Variants in ADAT3 observed in about 807,000 individuals in gnomAD.
The protein encoded by ADAT3 is adenosine deaminase tRNA specific 3.
A neutral mutation model predicts 3.5 loss-of-function variants in ADAT3; 2 were observed. The observed-to-expected ratio is 0.57, with a 90% CI of 0.23 to 1.79. ADAT3 has a LOEUF of 1.79. ADAT3 is among the 40% of genes most tolerant of loss of function. ADAT3 has a pLI of 0.18. For missense variants in ADAT3, 735 were observed against 571.4 expected (o/e 1.29, Z -2.92); for synonymous variants, 358 against 270.3 (o/e 1.32, Z -3.18).
intron 1 of ADAT3, 52 bp downstream of exon 1, chr19:1,905,491 A>AG (rs1323737712): frequency 2.5e-6 from 1 of 395,554 alleles, no homozygotes; most frequent in East Asian, 1.1e-4. Flanking sequence ...ACTTCCCCAG[A>AG]GGGGGAGTAG....
chr19:1,912,139 A>G lies in ADAT3; in HGVS notation c.92A>G (p.Glu31Gly). 1 of 1,559,010 alleles carries G rather than the reference A, an allele frequency of 6.4e-7. No homozygotes were observed. Among genetic ancestry groups the G allele is most frequent in the Non-Finnish European group, 8.6e-7 (1 of 1,157,768 alleles). ...PGLVEQPKCL[E>G]AGSPEPEPAP... ...CTCGTGGAGCAGCCCAAGTGCTTGG[A>G]GGCCGGGAGCCCGGAGCCTGAGCCG... The change falls in exon 2 of 2, where the codon GAG becomes GGG. Residue 31 changes from glutamate (E) to glycine (G), a missense_variant. Coordinates refer to ENST00000329478, the MANE Select transcript of ADAT3 (RefSeq NM_138422.4).
At chr19:1,905,623 C>G (rs1202197092) in intron 1 of ADAT3, 184 bp downstream of exon 1, 1 of 162,938 alleles carries the variant, frequency 6.1e-6, no homozygotes, top group Non-Finnish European at 1.4e-5. Context: ...GGAGGCGGCG[C>G]GAATGCGCGT....
At position 1,912,689 on chromosome 19, in the gene ADAT3, G is replaced by A. The variant is rs1178245015; in HGVS notation, c.642G>A (p.Val214=). The change falls in exon 2 of 2, where the codon GTG becomes GTA. Residue 214 remains valine, a synonymous_variant. Transcript: ENST00000329478. ...AARGLRAVGA[V]VVDPASDRVL... is the part of the protein sequence containing the mutation. ...GGGGCTTGCGGGCCGTGGGGGCCGT[G>A]GTAGTGGACCCGGCCTCGGACCGCG... 6.1e-6 allele frequency: 9 copies of A among 1,468,838 alleles called. No individual in the cohort carries two copies. Among genetic ancestry groups the A allele is most frequent in the Non-Finnish European group, 7.1e-6 (8 of 1,120,124 alleles). The allele number at this position is 1,468,838 out of a possible 1,614,324, so 91.0% of individuals were successfully genotyped here. A position where few individuals can be genotyped will look rare whatever the true frequency, so the allele number is the denominator to read the frequency against.
chr19:1,911,219 TG>T (rs1340109685), intron 1 of ADAT3, among the ~76,000 whole-genome samples: 1 of 151,828 alleles, frequency 6.6e-6, no homozygotes, highest in Non-Finnish European at 1.5e-5. Flanking sequence ...TCAGCCAGGC[TG>T]GGGTACAGTG....
At chr19:1,907,161 T>G (rs1002729302) in intron 1 of ADAT3, 1 of 150,450 alleles carries the variant, frequency 6.6e-6, no homozygotes, top group Non-Finnish European at 1.5e-5. Flanking sequence ...CCCTCCAGCC[T>G]GGGGGACAGA....
chr19:1,912,539 G>C lies in ADAT3; in HGVS notation c.492G>C (p.Thr164=). The C allele has an allele frequency of 6.7e-7, 1 of 1,500,602 alleles. No individual in the cohort carries two copies. 93.0% of individuals were successfully genotyped at this position (1,500,602 alleles called of 1,614,324 possible). A position where few individuals can be genotyped will look rare whatever the true frequency, so the allele number is the denominator to read the frequency against. ...AGGAGGCCCGGGCCCACTGGCCCAC[G>C]TCCTTCCACGAGGACAAGCAGGTGA... ...QFEEARAHWP[T]SFHEDKQVTS... The change falls in exon 2 of 2, where the codon ACG becomes ACC. Residue 164 remains threonine (T), a synonymous_variant. Coordinates refer to ENST00000329478, the MANE Select transcript of ADAT3 (RefSeq NM_138422.4).
Position 1,908,534 on chromosome 19 carries a change from G to C in ADAT3, c.-159+3095G>C, listed in dbSNP as rs1222153808. The C allele has an allele frequency of 4.2e-6, 2 of 471,184 alleles. No homozygotes were observed. Among genetic ancestry groups the C allele is most frequent in the Non-Finnish European group, 8.8e-6 (2 of 227,054 alleles). 29.2% of individuals were successfully genotyped at this position (471,184 alleles called of 1,614,324 possible). A position where few individuals can be genotyped will look rare whatever the true frequency, so the allele number is the denominator to read the frequency against. Reference sequence around the variant, plus strand: ...CGGGGATGTGTAGTCCAGGCTGGCAGTTCAGGATCACCCGGCTGGAGTCAT... The same window carrying C: ...CGGGGATGTGTAGTCCAGGCTGGCACTTCAGGATCACCCGGCTGGAGTCAT... On this transcript the variant is annotated intron_variant, in intron 1 of 1. Coordinates refer to ENST00000329478, the MANE Select transcript of ADAT3 (RefSeq NM_138422.4). The surrounding 1 kb of genome is among the most constrained non-coding windows in gnomAD (Gnocchi z 4.2).
At position 1,913,292 on chromosome 19, in the gene ADAT3, C is replaced by A; in HGVS notation, c.*141C>A. 7.8e-7 allele frequency: 1 copy of A among 1,274,084 alleles called. No individual in the cohort carries two copies. Among genetic ancestry groups the A allele is most frequent in the Non-Finnish European group, 1.1e-6 (1 of 943,942 alleles). 78.9% of individuals were successfully genotyped at this position (1,274,084 alleles called of 1,614,324 possible). A position where few individuals can be genotyped will look rare whatever the true frequency, so the allele number is the denominator to read the frequency against. ...CCGCCTCCAGCGGGGAGCACGGGTG[C>A]TGCCTTCCGTGCGGATCGAGCTTTC... On this transcript the variant is annotated 3_prime_UTR_variant, in exon 2 of 2. Transcript: ENST00000329478.
At chr19:1,906,983 C>T (rs867617093) in intron 1 of ADAT3, 6 of 151,710 alleles carry the variant, frequency 4.0e-5, no homozygotes, top group African/African-American at 1.2e-4. Context: ...GTCAGGAGTT[C>T]GAGAGCAGCC....
At chr19:1,909,837 G>A (rs2013343792) in intron 1 of ADAT3, among the ~76,000 whole-genome samples, 1 of 152,218 alleles carries the variant, frequency 6.6e-6, no homozygotes, top group African/African-American at 2.4e-5. Flanking sequence ...CACAGCTGCA[G>A]GAATGTGGTC....
rs2013277336 is a variant in ADAT3 at position 1,908,765 on chromosome 19, C to T, written c.-158-3125C>T. ...CCTCTCGCCTTGGTCTCCTGAGTAG[C>T]TGGGACTACATGTGCACACCACCGT... On this transcript the variant is annotated intron_variant, in intron 1 of 1. Transcript: ENST00000329478. The surrounding 1 kb of genome is among the most constrained non-coding windows in gnomAD (Gnocchi z 4.2). 3 of 359,530 alleles carry T rather than the reference C, an allele frequency of 8.3e-6. No homozygotes were observed. Among genetic ancestry groups the T allele is most frequent in the South Asian group, 6.5e-5 (3 of 46,488 alleles). The allele number at this position is 359,530 out of a possible 1,614,324, so 22.3% of individuals were successfully genotyped here.
At position 1,908,661 on chromosome 19, in the gene ADAT3, ATTAT is replaced by A. The variant is rs1247205807; in HGVS notation, c.-158-3218_-158-3215del. 7 of 443,910 alleles carry A rather than the reference ATTAT, an allele frequency of 1.6e-5. No individual in the cohort carries two copies. Among genetic ancestry groups the A allele is most frequent in the East Asian group, 7.1e-5 (1 of 14,130 alleles). The allele number at this position is 443,910 out of a possible 1,614,324, so 27.5% of individuals were successfully genotyped here. On this transcript the variant is annotated intron_variant, in intron 1 of 1. Transcript: ENST00000329478. This position sits in a 1 kb window ranked among gnomAD's most constrained non-coding sequence, Gnocchi z 4.2. ...GTAGTAAGGTTTTTAGGATTTTATTATTATTTATTTATTTGAAAAAAGGAACAGG... is the reference window on the plus strand; with the variant it reads ...GTAGTAAGGTTTTTAGGATTTTATTATTATTTATTTGAAAAAAGGAACAGG...
chr19:1,911,939 G>GGAGCCC lies in ADAT3; in HGVS notation c.-108_-103dup, dbSNP rs2013472517. ...TAGCTCTGATGCGGTGACCTGGGCCGGAGCCCTCGGACTAGCCTCAGCTTT... is the reference window on the plus strand; with the variant it reads ...TAGCTCTGATGCGGTGACCTGGGCCGGAGCCCGAGCCCTCGGACTAGCCTCAGCTTT... On this transcript the variant is annotated 5_prime_UTR_variant, in exon 2 of 2. Transcript: ENST00000329478. The GGAGCCC allele has an allele frequency of 8.9e-6, 12 of 1,354,458 alleles. No individual in the cohort carries two copies. The South Asian group carries it at 1.7e-4, about 19-fold the overall frequency. 83.9% of individuals were successfully genotyped at this position (1,354,458 alleles called of 1,614,324 possible). A position where few individuals can be genotyped will look rare whatever the true frequency, so the allele number is the denominator to read the frequency against.
rs771673598 is a variant in ADAT3, at chr19:1,912,829, C to T, written c.782C>T (p.Pro261Leu). 1 of 1,591,354 alleles carries T rather than the reference C, an allele frequency of 6.3e-7. No homozygotes were observed. The highest frequency in any genetic ancestry group is 8.5e-7 in the Non-Finnish European group (1 of 1,175,598). ...GQGRGTYDFRPFPACSFAPAA... is the reference protein window; with the variant it reads ...GQGRGTYDFRLFPACSFAPAA... ...GGCCGCGGCACCTACGACTTCAGAC[C>T]CTTCCCCGCCTGCTCCTTCGCCCCG... Residue 261 changes from proline to leucine, a missense_variant, in exon 2 of 2, where the codon CCC (proline) becomes CTC (leucine). Pro to Leu is a moderately conservative substitution (Grantham distance 98). Coordinates refer to ENST00000329478, the MANE Select transcript of ADAT3 (RefSeq NM_138422.4).
Position 1,912,731 on chromosome 19 carries a change from C to T in ADAT3, c.684C>T (p.His228=). 3 of 1,533,048 alleles carry T rather than the reference C, an allele frequency of 2.0e-6. No individual in the cohort carries two copies. Among genetic ancestry groups the T allele is most frequent in the African/African-American group, 1.4e-5 (1 of 71,454 alleles). 95.0% of individuals were successfully genotyped at this position (1,533,048 alleles called of 1,614,324 possible). Residue 228 remains histidine, a synonymous_variant, in exon 2 of 2, where the codon CAC becomes CAT. Coordinates refer to ENST00000329478, the MANE Select transcript of ADAT3 (RefSeq NM_138422.4). ...PASDRVLATG[H]DCSCADNPLL... ...CGGACCGCGTGCTGGCCACCGGCCA[C>T]GACTGCAGCTGCGCGGACAACCCCC...
chr19:1,905,781 G>A (rs1277481962), intron 1 of ADAT3: 1 of 152,412 alleles, frequency 6.6e-6, no homozygotes, highest in Non-Finnish European at 1.5e-5. Flanking sequence ...CTCAGGTCAT[G>A]TCCCGCAGTC....
Position 1,905,633 on chromosome 19 carries a change from T to TGCGC in ADAT3, c.-159+206_-159+209dup, listed in dbSNP as rs201231677. The TGCGC allele has an allele frequency of 9.4e-3, 1,498 of 159,274 alleles. 20 individuals carry two copies. The highest frequency in any genetic ancestry group is 0.03 in the African/African-American group (1,230 of 40,780). 9.9% of individuals were successfully genotyped at this position (159,274 alleles called of 1,614,324 possible). A position where few individuals can be genotyped will look rare whatever the true frequency, so the allele number is the denominator to read the frequency against. On this transcript the variant is annotated intron_variant, in intron 1 of 1. Coordinates refer to ENST00000329478, the MANE Select transcript of ADAT3 (RefSeq NM_138422.4). Reference sequence around the variant, plus strand: ...CGCGGGGAGGCGGCGCGAATGCGCGTGCGCGCGCGCGCGCGGCGCTGGCCT... The same window carrying TGCGC: ...CGCGGGGAGGCGGCGCGAATGCGCGTGCGCGCGCGCGCGCGCGCGGCGCTGGCCT...
rs769972474 is a variant in ADAT3 at position 1,912,315 on chromosome 19, C to T, written c.268C>T (p.His90Tyr). 2 of 1,554,866 alleles carry T rather than the reference C, an allele frequency of 1.3e-6. No homozygotes were observed. The highest frequency in any genetic ancestry group is 1.7e-6 in the Non-Finnish European group (2 of 1,157,032). Residue 90 changes from histidine to tyrosine, a missense_variant, in exon 2 of 2, where the codon CAC (histidine) becomes TAC (tyrosine). Physicochemically the swap from His to Tyr is moderately conservative, Grantham distance 83. Coordinates refer to ENST00000329478, the MANE Select transcript of ADAT3 (RefSeq NM_138422.4). ...CCTGCACCCGCTCCCCGCCCAGCCT[C>T]ACCTCAAGCGGGTGCGGCCCAGCCG... ...SALHPLPAQP[H>Y]LKRVRPSRDA...
At position 1,912,577 on chromosome 19, in the gene ADAT3, C is replaced by T; in HGVS notation, c.530C>T (p.Ala177Val). 3.3e-6 allele frequency: 5 copies of T among 1,496,584 alleles called. No individual in the cohort carries two copies. The highest frequency in any genetic ancestry group is 1.2e-5 in the South Asian group (1 of 80,070). The allele number at this position is 1,496,584 out of a possible 1,614,324, so 92.7% of individuals were successfully genotyped here. Reference protein sequence around the residue: ...HEDKQVTSALAGRLFSTQERA... With the variant: ...HEDKQVTSALVGRLFSTQERA... ...GACAAGCAGGTGACCAGCGCCCTGG[C>T]TGGGCGGCTCTTCTCCACGCAGGAG... The change falls in exon 2 of 2, where the codon GCT becomes GTT. Residue 177 changes from alanine to valine, a missense_variant. Physicochemically the swap from Ala to Val is moderately conservative, Grantham distance 64 (BLOSUM62 0). Coordinates refer to ENST00000329478, the MANE Select transcript of ADAT3 (RefSeq NM_138422.4).
Sources: allele counts gnomAD v4.1 joint callset (sites outside exome capture counted in the v4.1 genomes callset), GRCh38; gene constraint gnomAD v4.1.1; non-coding constraint Gnocchi (gnomAD v3.1); transcripts MANE v1.5; gene names NCBI Gene and HGNC (gene_info 2026-07-23, HGNC 2026-07-21).